The following SYNE2 variants were observed in gnomAD, a reference collection of about 807,000 sequenced individuals.
The protein encoded by SYNE2 is nesprin-2.
In SYNE2, 431 loss-of-function variants were observed where a neutral mutation model predicts 856.3. The observed-to-expected ratio is 0.50, with a 90% CI of 0.47 to 0.55. The LOEUF (loss-of-function observed/expected upper bound fraction) is 0.55, where lower values mean the gene tolerates loss of function less well. Ranked by LOEUF, SYNE2 falls within the 20% of genes least tolerant of loss-of-function variation. The probability of loss-of-function intolerance (pLI) is 0.00; values close to 1 mark genes in which losing one functional copy is unlikely to be tolerated. For missense variants in SYNE2, 8,129 were observed against 8,023.2 expected (o/e 1.01, Z -0.50); for synonymous variants, 2,923 against 2,872.3 (o/e 1.02, Z -0.56).
At chr14:64,111,660 T>C (rs571574448) in intron 65 of SYNE2, among the ~76,000 whole-genome samples, 2 of 152,050 alleles carry the variant, frequency 1.3e-5, no homozygotes, top group South Asian at 4.1e-4. Context: ...TAGCCAGGTA[T>C]GGTGGTGTGT....
At chr14:64,091,102 C>T in intron 60 of SYNE2, 54 bp downstream of exon 60, 2 of 1,563,174 alleles carry the variant, frequency 1.3e-6, no homozygotes, top group Non-Finnish European at 8.8e-7. Context: ...TCACCAAAAG[C>T]TGGTTTGGTT....
chr14:64,180,164 G>T (rs2098451493), intron 96 of SYNE2, among the ~76,000 whole-genome samples: 1 of 152,148 alleles, frequency 6.6e-6, no homozygotes, highest in East Asian at 1.9e-4. Flanking sequence ...CGCAGGATTT[G>T]TTTCTCAGTT....
At chr14:64,113,288 G>A in intron 65 of SYNE2, 53 bp from the exon 66 acceptor site, 1 of 1,611,742 alleles carries the variant, frequency 6.2e-7, no homozygotes, top group Non-Finnish European at 8.5e-7. Context: ...GGTCTTTGCA[G>A]GCCCAAGTCT....
chr14:64,019,892 G>T, intron 34 of SYNE2, 100 bp from the exon 35 acceptor site: 1 of 814,334 alleles, frequency 1.2e-6, no homozygotes. Flanking sequence ...GGAAATTCAA[G>T]GGCTCTCTCA....
intron 65 of SYNE2, among the ~76,000 whole-genome samples, chr14:64,110,817 C>T (rs1321372295): frequency 6.6e-6 from 1 of 152,038 alleles, no homozygotes; most frequent in East Asian, 1.9e-4. Flanking sequence ...GCTGATTGAA[C>T]ATTCTGTGCA....
At chr14:64,092,016 C>G (rs920682262) in intron 60 of SYNE2, among the ~76,000 whole-genome samples, 4 of 152,142 alleles carry the variant, frequency 2.6e-5, no homozygotes, top group African/African-American at 9.7e-5. Flanking sequence ...TTTCTCTGGT[C>G]TGGCTGCTGG....
In SYNE2 at chr14:64,211,950, C is replaced by G. The variant is rs376208379; in HGVS notation, c.18724-11C>G. 17 of 1,614,014 alleles carry G rather than the reference C, an allele frequency of 1.1e-5. No homozygotes were observed. The highest frequency in any genetic ancestry group is 3.3e-4 in the Middle Eastern group (2 of 6,060). The stretch of plus-strand genomic sequence containing the variant: ...GTCAGTAGAAATGTGATTTCCTCCC[C>G]ACTTTTGCAGCATTTCACCAACCAG... On this transcript the variant is annotated splice_polypyrimidine_tract_variant and intron_variant, in intron 103 of 115. Coordinates refer to ENST00000555002, the MANE Select transcript of SYNE2 (RefSeq NM_182914.3).
At chr14:64,064,227 T>C (rs909337231) in intron 50 of SYNE2, among the ~76,000 whole-genome samples, 4 of 152,182 alleles carry the variant, frequency 2.6e-5, no homozygotes, top group African/African-American at 9.7e-5. Flanking sequence ...AAGCATTTGA[T>C]ACCACAACAG....
At chr14:63,989,734 T>A (rs2096652823) in intron 19 of SYNE2, among the ~76,000 whole-genome samples, 1 of 152,228 alleles carries the variant, frequency 6.6e-6, no homozygotes, top group Non-Finnish European at 1.5e-5. Context: ...CACTGCAACC[T>A]CTGCCTCCTG....
chr14:64,214,552 A>G lies in SYNE2; in HGVS notation c.19333+82A>G, dbSNP rs74894222. 69 of 1,381,492 alleles carry G rather than the reference A, an allele frequency of 5.0e-5. No individual in the cohort carries two copies. In the East Asian group the frequency reaches 1.1e-3, roughly 23 times the overall value. The allele number at this position is 1,381,492 out of a possible 1,614,324, so 85.6% of individuals were successfully genotyped here. ...CCCTTAGCAACACGGCCAGCTCTCAATGACCAAGAGTCCATCTTGTGGCCG... is the reference window on the plus strand; with the variant it reads ...CCCTTAGCAACACGGCCAGCTCTCAGTGACCAAGAGTCCATCTTGTGGCCG... On this transcript the variant is annotated intron_variant, in intron 106 of 115. Transcript: ENST00000555002.
chr14:63,958,587 G>T (rs1056088657), intron 8 of SYNE2, among the ~76,000 whole-genome samples: 4 of 152,148 alleles, frequency 2.6e-5, no homozygotes, highest in Admixed American at 6.5e-5. Flanking sequence ...ACCTGGCTGA[G>T]CTAGTGCTGA....
rs148432407 is a variant in SYNE2 at position 64,033,618 on chromosome 14, C to T, written c.7221+2261C>T. On this transcript the variant is annotated intron_variant, in intron 45 of 115. Transcript: ENST00000555002. ...GGAGAATTGCTTGAGCCCAGGAGGT[C>T]GAGACTGTAGTGAGCCGAGATTGTG... Among the ~76,000 whole-genome samples, 862 of 151,494 alleles carry T rather than the reference C, an allele frequency of 5.7e-3. 3 individuals are homozygous for T. Among genetic ancestry groups the T allele is most frequent in the African/African-American group, 0.02 (833 of 41,268 alleles).
intron 52 of SYNE2, 129 bp from the exon 53 acceptor site, chr14:64,073,839 T>A (rs2097433721): frequency 9.9e-7 from 1 of 1,012,764 alleles, no homozygotes; most frequent in Non-Finnish European, 1.5e-6. Context: ...GTTACTTTTT[T>A]TCTTAGAGGA....
Position 63,991,078 on chromosome 14 carries a change from A to G in SYNE2, c.2609A>G (p.Gln870Arg). 9.3e-6 allele frequency: 15 copies of G among 1,614,148 alleles called. No individual in the cohort carries two copies. The highest frequency in any genetic ancestry group is 1.1e-5 in the Non-Finnish European group (13 of 1,179,998). Residue 870 changes from glutamine to arginine, a missense_variant, in exon 21 of 116, where the codon CAA (glutamine) becomes CGA (arginine). Gln to Arg is a conservative substitution (Grantham distance 43). Transcript: ENST00000555002. The part of the protein sequence containing the change: ...YMMRAQQLLG[Q>R]RESPGELISK... The stretch of plus-strand genomic sequence containing the variant: ...ATGAGGGCTCAGCAGTTACTGGGGC[A>G]AAGAGAGAGCCCCGGTGAACTCATT...
chr14:64,160,908 A>AT (rs2098324276), intron 87 of SYNE2, among the ~76,000 whole-genome samples: 1 of 152,194 alleles, frequency 6.6e-6, no homozygotes, highest in Non-Finnish European at 1.5e-5. Flanking sequence ...TTAACTATCC[A>AT]TACTAAACAG....
At chr14:63,792,191 A>T (rs1015925919) in intron 1 of SYNE2, among the ~76,000 whole-genome samples, 4 of 152,192 alleles carry the variant, frequency 2.6e-5, no homozygotes, top group African/African-American at 9.6e-5. Context: ...AATAGGGTTC[A>T]ATTACATGCT....
upstream of SYNE2, among the ~76,000 whole-genome samples, chr14:63,852,317 A>G (rs1282000128): frequency 6.6e-6 from 1 of 152,138 alleles, no homozygotes; most frequent in East Asian, 1.9e-4. Context: ...GGGACTGATT[A>G]TGGGCTGGAA....
intron 1 of SYNE2, among the ~76,000 whole-genome samples, chr14:63,827,625 CAAAA>C (rs11334415): frequency 1.4e-4 from 4 of 28,410 alleles, no homozygotes; most frequent in Non-Finnish European, 1.9e-4. Flanking sequence ...AACTCTGTCT[CAAAA>C]AAAAAAAAAA....
At chr14:64,068,183 ATGT>A (rs1373943069) in intron 51 of SYNE2, among the ~76,000 whole-genome samples, 1 of 152,142 alleles carries the variant, frequency 6.6e-6, no homozygotes, top group African/African-American at 2.4e-5. Flanking sequence ...AGTGTAAAAT[ATGT>A]TGTTCTGACA....
Sources: allele counts gnomAD v4.1 joint callset (sites outside exome capture counted in the v4.1 genomes callset), GRCh38; gene constraint gnomAD v4.1.1; transcripts MANE v1.5; gene names NCBI Gene and HGNC (gene_info 2026-07-23, HGNC 2026-07-21).